The following ATP6V1C1 variants were observed in gnomAD, a reference collection of about 807,000 sequenced individuals.
The protein encoded by ATP6V1C1 is ATPase H+ transporting V1 subunit C1, also known as V-type proton ATPase subunit C 1.
Under a neutral mutation model 53.9 loss-of-function variants are expected in ATP6V1C1, and 45 were observed. That is an observed-to-expected ratio of 0.83 (90% CI 0.66 to 1.07). The LOEUF (loss-of-function observed/expected upper bound fraction) is 1.07. Ranked by LOEUF, ATP6V1C1 falls within the 50% of genes least tolerant of loss-of-function variation. The pLI is 0.00. For synonymous variants in ATP6V1C1, 153 were observed against 155.2 expected, an observed-to-expected ratio of 0.99 and a Z score of 0.11; for missense variants, 315 against 440.3, an observed-to-expected ratio of 0.72 and a Z score of 2.55.
intron 8 of ATP6V1C1, among the ~76,000 whole-genome samples, chr8:103,060,839 C>A (rs376200396): frequency 6.6e-6 from 1 of 152,120 alleles, no homozygotes; most frequent in East Asian, 1.9e-4. Context: ...TGCTGTGTCC[C>A]AGATCTCTGC....
At chr8:103,039,180 T>G (rs1001754430) in intron 1 of ATP6V1C1, among the ~76,000 whole-genome samples, 1 of 152,228 alleles carries the variant, frequency 6.6e-6, no homozygotes, top group Admixed American at 6.5e-5. Flanking sequence ...ATTTACCTCG[T>G]AGAGGTGTTG....
At position 103,053,742 on chromosome 8, in the gene ATP6V1C1, T is replaced by A. The variant is rs1817240641; in HGVS notation, c.474-142T>A. The A allele has an allele frequency of 6.6e-6, 4 of 607,316 alleles. No homozygotes were observed. The Admixed American group carries it at 1.5e-4, about 22-fold the overall frequency. The allele number at this position is 607,316 out of a possible 1,614,324, so 37.6% of individuals were successfully genotyped here. ...GGATATATTCAGCTAAATGGTGACT[T>A]CTTACAAAGTAAAAATGTTGACTAA... On this transcript the variant is annotated intron_variant, in intron 6 of 12. Transcript: ENST00000518738.
chr8:103,067,433 C>G (rs779212127), intron 12 of ATP6V1C1, among the ~76,000 whole-genome samples: 85 of 146,978 alleles, frequency 5.8e-4, no homozygotes, highest in Non-Finnish European at 1.0e-3. Context: ...TGGGCTTTTA[C>G]TTTATATTTC....
intron 8 of ATP6V1C1, among the ~76,000 whole-genome samples, chr8:103,058,691 A>ATTTT (rs1233532205): frequency 2.0e-5 from 3 of 152,242 alleles, no homozygotes; most frequent in African/African-American, 7.2e-5. Flanking sequence ...ATTGAAAAAT[A>ATTTT]TTCACTTTAA....
At chr8:103,049,536 C>A (rs1186440291) in intron 4 of ATP6V1C1, among the ~76,000 whole-genome samples, 1 of 152,170 alleles carries the variant, frequency 6.6e-6, no homozygotes. Context: ...ATGATTCTGA[C>A]CCCATTGTTG....
chr8:103,024,846 A>G (rs1298745704), intron 1 of ATP6V1C1, among the ~76,000 whole-genome samples: 2 of 152,188 alleles, frequency 1.3e-5, no homozygotes, highest in South Asian at 2.1e-4. Flanking sequence ...CAGGACATCT[A>G]CTTCTAAGAT....
chr8:103,042,385 A>G lies in ATP6V1C1; in HGVS notation c.178A>G (p.Lys60Glu), dbSNP rs1358307574. The change falls in exon 3 of 13, where the codon AAA (lysine) becomes GAA (glutamate). Residue 60 changes from lysine to glutamate, a missense_variant. Physicochemically the swap from Lys to Glu is moderately conservative, Grantham distance 56. Coordinates refer to ENST00000518738, the MANE Select transcript of ATP6V1C1 (RefSeq NM_001695.5). ...GGTTGGCTTGTCAGATGAACTGGCT[A>G]AACTGGATGCATTTGTAGAAGGGTA... is the stretch of plus-strand genomic sequence containing the variant. ...VLVGLSDELA[K>E]LDAFVEGVVK... The G allele has an allele frequency of 5.0e-6, 8 of 1,613,886 alleles. No individual in the cohort carries two copies. The highest frequency in any genetic ancestry group is 6.8e-6 in the Non-Finnish European group (8 of 1,179,998).
At chr8:103,045,908 T>G (rs1817088382) in intron 3 of ATP6V1C1, among the ~76,000 whole-genome samples, 1 of 151,356 alleles carries the variant, frequency 6.6e-6, no homozygotes, top group Non-Finnish European at 1.5e-5. Flanking sequence ...GCCACTGCAC[T>G]CCAGCCTGGG....
chr8:103,035,835 G>A (rs1021250299), intron 1 of ATP6V1C1, among the ~76,000 whole-genome samples: 2 of 152,160 alleles, frequency 1.3e-5, no homozygotes, highest in African/African-American at 4.8e-5. Context: ...TCTAGTATCT[G>A]ATCTCTAGTC....
chr8:103,055,934 C>A lies in ATP6V1C1; in HGVS notation c.639C>A (p.Ser213Arg). The stretch of plus-strand genomic sequence containing the variant: ...CCGAAATGGTAGTTCCAAGGTCTAG[C>A]AAGTAAGTAGAAGTCTTTGTAAAAC... Reference protein sequence around the residue: ...TLAEMVVPRSSNVLSEDQDSY... With the variant: ...TLAEMVVPRSRNVLSEDQDSY... The change falls in exon 8 of 13, where the codon AGC (serine) becomes AGA (arginine). Residue 213 changes from serine (S) to arginine (R), a missense_variant and splice_region_variant. By Grantham distance (110) the Ser-to-Arg change is moderately radical. Transcript: ENST00000518738. The A allele has an allele frequency of 6.2e-7, 1 of 1,611,026 alleles. No homozygotes were observed. The highest frequency in any genetic ancestry group is 8.5e-7 in the Non-Finnish European group (1 of 1,177,744).
intron 12 of ATP6V1C1, among the ~76,000 whole-genome samples, chr8:103,067,442 T>C (rs1200779867): frequency 6.6e-6 from 1 of 151,032 alleles, no homozygotes; most frequent in African/African-American, 2.4e-5. Context: ...ACTTTATATT[T>C]CTGGTTTTAA....
At chr8:103,032,763 C>T (rs1478720487) in intron 1 of ATP6V1C1, among the ~76,000 whole-genome samples, 1 of 152,140 alleles carries the variant, frequency 6.6e-6, no homozygotes, top group Non-Finnish European at 1.5e-5. Context: ...CAGGTGTGAG[C>T]CACCACACCT....
chr8:103,051,989 T>G (rs1323596711), intron 5 of ATP6V1C1, among the ~76,000 whole-genome samples: 1 of 152,110 alleles, frequency 6.6e-6, no homozygotes, highest in Non-Finnish European at 1.5e-5. Context: ...AGTCATCATG[T>G]AATTTGATGA....
chr8:103,049,815 G>C (rs1215441324), intron 4 of ATP6V1C1, among the ~76,000 whole-genome samples: 2 of 152,044 alleles, frequency 1.3e-5, no homozygotes, highest in African/African-American at 4.8e-5. Flanking sequence ...AAGTTACCTG[G>C]AAGTAGTGGC....
rs568293219 is a variant in ATP6V1C1 at position 103,023,924 on chromosome 8, C to T, written c.-40+2699C>T. Among the ~76,000 whole-genome samples, 12 of 152,154 alleles carry T rather than the reference C, an allele frequency of 7.9e-5. No individual in the cohort carries two copies. In the South Asian group the frequency reaches 2.5e-3, roughly 32 times the overall value. On this transcript the variant is annotated intron_variant, in intron 1 of 12. Transcript: ENST00000518738. ...TTTTTTTGGGGGGGGGGAACTTCTC[C>T]CTGAAGAGTCAGCACTTTTGATGAA...
intron 12 of ATP6V1C1, among the ~76,000 whole-genome samples, chr8:103,067,227 C>T (rs1213913867): frequency 1.3e-5 from 2 of 151,494 alleles, no homozygotes; most frequent in East Asian, 2.0e-4. Flanking sequence ...GGTGAAACCC[C>T]GTCTCTACTA....
At chr8:103,053,134 A>G (rs1325787782) in intron 6 of ATP6V1C1, among the ~76,000 whole-genome samples, 4 of 152,052 alleles carry the variant, frequency 2.6e-5, no homozygotes, top group Non-Finnish European at 2.9e-5. Flanking sequence ...AAATGAAATC[A>G]TAGTTTAACT....
chr8:103,054,289 C>T (rs556976269), intron 7 of ATP6V1C1, among the ~76,000 whole-genome samples: 55 of 152,036 alleles, frequency 3.6e-4, no homozygotes, highest in Middle Eastern at 3.4e-3. Context: ...TTAGATTTCT[C>T]AAAATAGGAA....
chr8:103,052,039 A>G lies in ATP6V1C1; in HGVS notation c.382-692A>G, dbSNP rs75343199. Among the ~76,000 whole-genome samples the G allele has an allele frequency of 4.8e-3, 735 of 152,222 alleles. 5 individuals are homozygous for G. The highest frequency in any genetic ancestry group is 0.017 in the African/African-American group (693 of 41,584). On this transcript the variant is annotated intron_variant, in intron 5 of 12. Coordinates refer to ENST00000518738, the MANE Select transcript of ATP6V1C1 (RefSeq NM_001695.5). ...ACTATTATTTACATTACTTGATAAT[A>G]TAAAGTGGTGTTCTTACTATGACTG...
Sources: allele counts gnomAD v4.1 joint callset (sites outside exome capture counted in the v4.1 genomes callset), GRCh38; gene constraint gnomAD v4.1.1; transcripts MANE v1.5; gene names NCBI Gene and HGNC (gene_info 2026-07-23, HGNC 2026-07-21).